Variants in DNAAF1 observed in about 807,000 individuals in gnomAD.
DNAAF1 encodes the protein dynein assembly factor 1, axonemal.
A neutral mutation model predicts 71.1 loss-of-function variants in DNAAF1; 65 were observed. The ratio of observed to expected loss-of-function variants is 0.91; its 90% confidence interval spans 0.75 to 1.12. DNAAF1 has a LOEUF of 1.12. Ranked by LOEUF, DNAAF1 falls within the 50% of genes most tolerant of loss-of-function variation. The pLI is 0.00. For missense variants in DNAAF1, 1,178 were observed against 899.8 expected (o/e 1.31, Z -3.96); for synonymous variants, 414 against 354.6 (o/e 1.17, Z -1.88).
rs1567541310 is a variant in DNAAF1 at position 84,154,808 on chromosome 16, C to G, written c.574+10C>G. ...ACCATTGAAAACCTCTGTAAGGGTA[C>G]CCAGCAAGCAGTGTGTCTGTTTGCC... On this transcript the variant is annotated intron_variant, in intron 4 of 11. Coordinates refer to ENST00000378553, the MANE Select transcript of DNAAF1 (RefSeq NM_178452.6). 1.2e-6 allele frequency: 2 copies of G among 1,604,574 alleles called. No individual in the cohort carries two copies. The highest frequency in any genetic ancestry group is 1.7e-6 in the Non-Finnish European group (2 of 1,171,328).
Position 84,176,003 on chromosome 16 carries a change from C to T in DNAAF1, c.1769C>T (p.Thr590Met), listed in dbSNP as rs34777958. ...GACAGTGACCCTGAACTGGACTACA[C>T]GTCACTCCCTGTGCTGGAAAACCTC... ...SDDSDPELDY[T>M]SLPVLENLPT... The change falls in exon 11 of 12, where the codon ACG becomes ATG. Residue 590 changes from threonine (T) to methionine (M), a missense_variant. Physicochemically the swap from Thr to Met is moderately conservative, Grantham distance 81 (BLOSUM62 -1). Transcript: ENST00000378553. 24,186 of 1,614,090 alleles carry T rather than the reference C, an allele frequency of 0.015. 237 individuals carry two copies. Among genetic ancestry groups the T allele is most frequent in the Non-Finnish European group, 0.019 (22,101 of 1,179,928 alleles).
At chr16:84,169,230 C>T (rs1018307206) in intron 7 of DNAAF1, among the ~76,000 whole-genome samples, 5 of 149,592 alleles carry the variant, frequency 3.3e-5, no homozygotes, top group South Asian at 4.3e-4. Flanking sequence ...TGTGCCACCC[C>T]GCCCAGCTAT....
intron 9 of DNAAF1, chr16:84,172,843 C>T: frequency 9.6e-7 from 1 of 1,041,228 alleles, no homozygotes; most frequent in East Asian, 8.2e-5. Context: ...GGCCTTCTGG[C>T]TCATGGAGGT....
intron 5 of DNAAF1, among the ~76,000 whole-genome samples, chr16:84,158,681 G>T (rs2087556603): frequency 6.6e-6 from 1 of 152,144 alleles, no homozygotes. Flanking sequence ...CCTGTGCAGG[G>T]TAACCACATT....
chr16:84,162,969 G>A (rs561701922), intron 6 of DNAAF1, among the ~76,000 whole-genome samples: 5 of 152,292 alleles, frequency 3.3e-5, no homozygotes, highest in African/African-American at 1.2e-4. Flanking sequence ...CTCACCATGT[G>A]GCCCTGTGTT....
intron 9 of DNAAF1, chr16:84,174,196 C>A: frequency 2.0e-6 from 2 of 1,009,518 alleles, no homozygotes; most frequent in Non-Finnish European, 1.2e-6. Context: ...ATGCTGCCTC[C>A]CCAACCACGC....
chr16:84,177,528 CA>C (rs752372558), intron 11 of DNAAF1, 200 bp from the exon 12 acceptor site: 1 of 542,218 alleles, frequency 1.8e-6, no homozygotes, highest in African/African-American at 1.9e-5. Flanking sequence ...GGGGTTTCAC[CA>C]TGTTGACCAG....
At chr16:84,158,311 C>A (rs999808226) in intron 5 of DNAAF1, among the ~76,000 whole-genome samples, 1 of 152,174 alleles carries the variant, frequency 6.6e-6, no homozygotes, top group African/African-American at 2.4e-5. Flanking sequence ...TGAGGCATCT[C>A]CTTGGCTGGT....
At chr16:84,168,776 A>G (rs887602276) in intron 7 of DNAAF1, among the ~76,000 whole-genome samples, 4 of 151,426 alleles carry the variant, frequency 2.6e-5, no homozygotes, top group African/African-American at 9.7e-5. Flanking sequence ...GTATGTCTGC[A>G]TTTATTAATA....
intron 3 of DNAAF1, 68 bp downstream of exon 3, chr16:84,150,410 A>T: frequency 8.2e-7 from 1 of 1,212,930 alleles, no homozygotes; most frequent in East Asian, 2.4e-5. Flanking sequence ...ATAAAAAATT[A>T]CTTGCAGGGA....
intron 6 of DNAAF1, among the ~76,000 whole-genome samples, chr16:84,162,413 AAAAT>A (rs971236026): frequency 9.2e-5 from 14 of 152,144 alleles, no homozygotes; most frequent in Admixed American, 2.6e-4. Flanking sequence ...CTCTCAAAAA[AAAAT>A]AAATAAATAA....
At chr16:84,165,047 C>G (rs983615316) in intron 6 of DNAAF1, among the ~76,000 whole-genome samples, 1 of 152,158 alleles carries the variant, frequency 6.6e-6, no homozygotes, top group Non-Finnish European at 1.5e-5. Flanking sequence ...TATTTGCCAT[C>G]TCTATATCTT....
chr16:84,154,442 G>C, intron 3 of DNAAF1, 135 bp from the exon 4 acceptor site: 2 of 784,842 alleles, frequency 2.5e-6, no homozygotes, highest in Non-Finnish European at 4.3e-6. Flanking sequence ...ATCACATTAG[G>C]GGTTAGGATT....
chr16:84,150,670 C>T (rs912234298), intron 3 of DNAAF1, among the ~76,000 whole-genome samples: 1 of 140,200 alleles, frequency 7.1e-6, no homozygotes, highest in Non-Finnish European at 1.5e-5. Flanking sequence ...AGCTGAAGTG[C>T]AGTGGTGCAA....
intron 6 of DNAAF1, among the ~76,000 whole-genome samples, chr16:84,160,735 C>G (rs1030611140): frequency 7.9e-5 from 12 of 151,292 alleles, no homozygotes; most frequent in Non-Finnish European, 1.8e-4. Context: ...GAGATCGAGA[C>G]CACCCTGGCT....
Position 84,158,905 on chromosome 16 carries a change from A to G in DNAAF1, c.742-770A>G, listed in dbSNP as rs190704657. 3.9e-4 allele frequency: 153 copies of G among 392,600 alleles called. 4 individuals are homozygous for G. In the East Asian group the frequency reaches 0.019, roughly 49 times the overall value. 24.3% of individuals were successfully genotyped at this position (392,600 alleles called of 1,614,324 possible). A position where few individuals can be genotyped will look rare whatever the true frequency, so the allele number is the denominator to read the frequency against. ...ACCATGACGCCCAGCTAATTTTTGT[A>G]TTTTTAGTAGAGATGGGGTTTCACC... is the stretch of plus-strand genomic sequence containing the variant. On this transcript the variant is annotated intron_variant, in intron 5 of 11. Coordinates refer to ENST00000378553, the MANE Select transcript of DNAAF1 (RefSeq NM_178452.6).
intron 11 of DNAAF1, chr16:84,177,350 A>G (rs2088766548): frequency 5.7e-6 from 2 of 348,082 alleles, no homozygotes; most frequent in South Asian, 4.5e-5. Flanking sequence ...ATCTTGGCTC[A>G]CTGCAACCTC....
intron 8 of DNAAF1, among the ~76,000 whole-genome samples, chr16:84,171,090 C>G (rs866028447): frequency 6.6e-6 from 1 of 152,054 alleles, no homozygotes. Context: ...AACGAAGCCC[C>G]GAGAGCAATG....
At chr16:84,169,618 G>A (rs574965462) in intron 7 of DNAAF1, among the ~76,000 whole-genome samples, 45 of 151,052 alleles carry the variant, frequency 3.0e-4, no homozygotes, top group Admixed American at 2.0e-3. Flanking sequence ...ATGGGGTTTC[G>A]TCATGTTGGC....
Sources: allele counts gnomAD v4.1 joint callset (sites outside exome capture counted in the v4.1 genomes callset), GRCh38; gene constraint gnomAD v4.1.1; transcripts MANE v1.5; gene names NCBI Gene and HGNC (gene_info 2026-07-23, HGNC 2026-07-21).